FAM53A: variants seen among roughly 807,000 people sequenced by gnomAD.
The protein encoded by FAM53A is family with sequence similarity 53 member A.
A neutral mutation model predicts 26.6 loss-of-function variants in FAM53A; 28 were observed. The ratio of observed to expected loss-of-function variants is 1.05; its 90% CI spans 0.78 to 1.45. The LOEUF is 1.45. Ranked by LOEUF, FAM53A falls within the 40% of genes most tolerant of loss-of-function variation. The pLI is 0.00. For synonymous variants in FAM53A, 290 were observed against 253.1 expected, an observed-to-expected ratio of 1.15 and a Z score of -1.38; for missense variants, 650 against 575.8, an observed-to-expected ratio of 1.13 and a Z score of -1.32.
intron 1 of FAM53A, among the ~76,000 whole-genome samples, chr4:1,676,227 G>T (rs944622187): frequency 1.3e-5 from 2 of 152,154 alleles, no homozygotes; most frequent in Non-Finnish European, 2.9e-5. Flanking sequence ...CCCTCTGAAG[G>T]CTCTGGGGAG....
chr4:1,613,146 A>G (rs573107134), downstream of FAM53A, among the ~76,000 whole-genome samples: 2 of 152,368 alleles, frequency 1.3e-5, no homozygotes, highest in East Asian at 3.9e-4. Context: ...ACCTCTGTGC[A>G]CAAGGCATGG....
chr4:1,598,663 G>C, the FAM53A span, among the ~76,000 whole-genome samples: 1 of 152,156 alleles, frequency 6.6e-6, no homozygotes, highest in African/African-American at 2.4e-5. Flanking sequence ...AAAAAAAAGA[G>C]CCACTGATAT....
the FAM53A span, among the ~76,000 whole-genome samples, chr4:1,608,022 G>C: frequency 1.3e-5 from 2 of 152,118 alleles, no homozygotes; most frequent in African/African-American, 4.8e-5. Flanking sequence ...TGAGGCAGGA[G>C]AATCACTTGA....
chr4:1,590,553 C>T, the FAM53A span, among the ~76,000 whole-genome samples: 1 of 152,022 alleles, frequency 6.6e-6, no homozygotes, highest in African/African-American at 2.4e-5. Flanking sequence ...GTGCCCTGCT[C>T]TCCTCAGAGA....
chr4:1,647,731 A>G (rs1185850914), intron 4 of FAM53A, among the ~76,000 whole-genome samples: 1 of 152,250 alleles, frequency 6.6e-6, no homozygotes, highest in Admixed American at 6.5e-5. Flanking sequence ...GGGAGTGTGC[A>G]CATGAGTGGG....
chr4:1,631,890 T>C (rs1347218820), intron 1 of FAM53A, among the ~76,000 whole-genome samples: 3 of 152,110 alleles, frequency 2.0e-5, no homozygotes, highest in African/African-American at 7.2e-5. Context: ...CGGCCAGGCA[T>C]GGTGGCTCAC....
Position 1,641,577 on chromosome 4 carries a change from G to C in FAM53A, c.913C>G (p.Leu305Val), listed in dbSNP as rs140218167. Residue 305 changes from leucine to valine, a missense_variant, in exon 5 of 5, where the codon CTC (leucine) becomes GTC (valine). Physicochemically the swap from Leu to Val is conservative, Grantham distance 32 (BLOSUM62 1). Coordinates refer to ENST00000308132, the MANE Select transcript of FAM53A (RefSeq NM_001174070.3). ...TLKNSKSLCS[L>V]NYEDDDEDDT... ...TCCTCATCGTCATCTTCGTAATTGA[G>C]GGAGCAAAGGCTTTTTGAATTTTTT... 1.4e-5 allele frequency: 23 copies of C among 1,614,060 alleles called. No homozygotes were observed. The highest frequency in any genetic ancestry group is 2.7e-5 in the African/African-American group (2 of 74,942).
At chr4:1,648,958 C>T (rs1216778377) in intron 4 of FAM53A, among the ~76,000 whole-genome samples, 1 of 152,118 alleles carries the variant, frequency 6.6e-6, no homozygotes. Context: ...ACTAAAAATA[C>T]AAAAATTAGC....
chr4:1,615,879 C>A (rs909822816), downstream of FAM53A, among the ~76,000 whole-genome samples: 2 of 152,180 alleles, frequency 1.3e-5, no homozygotes, highest in African/African-American at 2.4e-5. Flanking sequence ...GACAGAGCAG[C>A]GACGTTAGGG....
intron 1 of FAM53A, among the ~76,000 whole-genome samples, chr4:1,626,188 A>G (rs555109704): frequency 6.6e-6 from 1 of 152,298 alleles, no homozygotes; most frequent in African/African-American, 2.4e-5. Context: ...GAGCAGAGCA[A>G]GCCAGGGGCG....
At chr4:1,662,893 A>G (rs754661972) in intron 2 of FAM53A, among the ~76,000 whole-genome samples, 5 of 152,154 alleles carry the variant, frequency 3.3e-5, no homozygotes, top group Non-Finnish European at 7.3e-5. Flanking sequence ...ACACGCGTTG[A>G]TGAGAGTTGG....
intron 1 of FAM53A, among the ~76,000 whole-genome samples, chr4:1,629,338 C>T (rs1325277536): frequency 2.0e-5 from 3 of 152,194 alleles, no homozygotes; most frequent in South Asian, 2.1e-4. Flanking sequence ...GAAGTGCGGG[C>T]GAAGCCTCAG....
the FAM53A span, among the ~76,000 whole-genome samples, chr4:1,575,104 T>C: frequency 9.9e-5 from 15 of 151,852 alleles, no homozygotes; most frequent in Admixed American, 9.2e-4. Flanking sequence ...AGCTACCCCC[T>C]GAGTGCCCAC....
intron 3 of FAM53A, 111 bp downstream of exon 3, chr4:1,657,296 CT>C: frequency 1.0e-6 from 1 of 1,000,254 alleles, no homozygotes; most frequent in Non-Finnish European, 1.5e-6. Flanking sequence ...ACACGAACAC[CT>C]TCCTGGGCTT....
intron 1 of FAM53A, among the ~76,000 whole-genome samples, chr4:1,629,453 C>T (rs907869569): frequency 2.0e-5 from 3 of 152,194 alleles, no homozygotes; most frequent in African/African-American, 7.2e-5. Context: ...TCGACTGTGC[C>T]CTGGAGGCCT....
At chr4:1,675,356 C>T (rs1714971192) in intron 1 of FAM53A, among the ~76,000 whole-genome samples, 2 of 152,164 alleles carry the variant, frequency 1.3e-5, no homozygotes, top group Admixed American at 6.5e-5. Context: ...CAGGACCTCT[C>T]GGCGCCGGCC....
intron 1 of FAM53A, among the ~76,000 whole-genome samples, chr4:1,678,995 G>A (rs1577159730): frequency 2.0e-5 from 3 of 151,690 alleles, no homozygotes; most frequent in Non-Finnish European, 2.9e-5. Flanking sequence ...CTGAAGGCAC[G>A]ATCCATAAAA....
chr4:1,607,250 C>T, the FAM53A span, among the ~76,000 whole-genome samples: 3 of 152,030 alleles, frequency 2.0e-5, no homozygotes, highest in Non-Finnish European at 4.4e-5. Context: ...AACTCTTGAC[C>T]GCAAGTGATC....
intron 1 of FAM53A, among the ~76,000 whole-genome samples, chr4:1,619,719 A>G (rs1415026912): frequency 6.6e-6 from 1 of 151,372 alleles, no homozygotes; most frequent in East Asian, 1.9e-4. Flanking sequence ...TCTGCTGTGC[A>G]TTGGAGCTCC....
Sources: allele counts gnomAD v4.1 joint callset (sites outside exome capture counted in the v4.1 genomes callset), GRCh38; gene constraint gnomAD v4.1.1; transcripts MANE v1.5; gene names NCBI Gene and HGNC (gene_info 2026-07-23, HGNC 2026-07-21).